KCMF1: variants seen among roughly 807,000 people sequenced by gnomAD.
KCMF1 encodes potassium channel modulatory factor 1.
Under a neutral mutation model 41.1 loss-of-function variants are expected in KCMF1, and 3 were observed. The observed-to-expected ratio is 0.07, with a 90% CI of 0.03 to 0.19. The LOEUF (loss-of-function observed/expected upper bound fraction) is 0.19, where lower values mean the gene tolerates loss of function less well. KCMF1 is among the 10% of genes least tolerant of loss of function. The pLI is 1.00. For missense variants in KCMF1, 286 were observed against 488.9 expected (o/e 0.58, Z 3.91); for synonymous variants, 142 against 164.5 (o/e 0.86, Z 1.04).
chr2:84,985,173 A>G (rs77478806), intron 1 of KCMF1, among the ~76,000 whole-genome samples: 5,004 of 152,238 alleles, frequency 0.033, 108 homozygotes, highest in African/African-American at 0.064. Context: ...CTGGAGGGCA[A>G]TGATTGGGGT....
intron 1 of KCMF1, among the ~76,000 whole-genome samples, chr2:85,012,463 T>G (rs1333118153): frequency 6.6e-6 from 1 of 152,240 alleles, no homozygotes; most frequent in African/African-American, 2.4e-5. Context: ...GCACTATCCA[T>G]TTTCCTCATT....
In KCMF1 at chr2:85,053,480, G is replaced by T. The variant is rs889979926; in HGVS notation, c.*71G>T. On this transcript the variant is annotated 3_prime_UTR_variant, in exon 7 of 7. Transcript: ENST00000409785. ...ATGAAAGTGGACAACAACTATCTTG[G>T]GTTTGTTTGGTGATTGTAATTTCAG... 2.3e-5 allele frequency: 33 copies of T among 1,448,228 alleles called. No homozygotes were observed. The highest frequency in any genetic ancestry group is 7.1e-5 in the South Asian group (5 of 70,920). The allele number at this position is 1,448,228 out of a possible 1,614,324, so 89.7% of individuals were successfully genotyped here.
intron 1 of KCMF1, among the ~76,000 whole-genome samples, chr2:84,990,254 G>A (rs1410886326): frequency 6.6e-6 from 1 of 152,180 alleles, no homozygotes; most frequent in Non-Finnish European, 1.5e-5. Flanking sequence ...TGGCTGTGAA[G>A]GGAAGGAGAG....
intron 5 of KCMF1, among the ~76,000 whole-genome samples, chr2:85,048,699 A>C (rs1675729697): frequency 6.6e-6 from 1 of 152,260 alleles, no homozygotes; most frequent in African/African-American, 2.4e-5. Flanking sequence ...AGTCTGGATC[A>C]TAACAGGCCA....
chr2:85,010,670 C>A (rs1171785668), intron 1 of KCMF1, among the ~76,000 whole-genome samples: 1 of 151,996 alleles, frequency 6.6e-6, no homozygotes, highest in East Asian at 1.9e-4. Flanking sequence ...CTAGTGGCTA[C>A]CATATTGGAC....
At chr2:84,982,058 C>T (rs1673771405) in intron 1 of KCMF1, among the ~76,000 whole-genome samples, 1 of 152,200 alleles carries the variant, frequency 6.6e-6, no homozygotes, top group Non-Finnish European at 1.5e-5. Flanking sequence ...GCTGGGATTA[C>T]AGGCGTGAGC....
chr2:84,974,661 A>T (rs1238243017), intron 1 of KCMF1, among the ~76,000 whole-genome samples: 1 of 23,214 alleles, frequency 4.3e-5, no homozygotes, highest in African/African-American at 2.0e-4. Context: ...TTAATTTCAT[A>T]TATATATATA....
At chr2:85,041,436 A>G (rs943552759) in intron 3 of KCMF1, among the ~76,000 whole-genome samples, 3 of 152,160 alleles carry the variant, frequency 2.0e-5, no homozygotes, top group Non-Finnish European at 2.9e-5. Context: ...CTAGGAATCT[A>G]TATCCTTGTG....
chr2:84,979,455 C>T (rs903688177), intron 1 of KCMF1, among the ~76,000 whole-genome samples: 16 of 149,500 alleles, frequency 1.1e-4, no homozygotes, highest in Admixed American at 6.1e-4. Flanking sequence ...ACCCAGGAGG[C>T]GGAGGTTGCA....
chr2:85,009,129 T>C (rs1463826846), intron 1 of KCMF1, among the ~76,000 whole-genome samples: 2 of 152,146 alleles, frequency 1.3e-5, no homozygotes, highest in African/African-American at 2.4e-5. Context: ...GGGAGGTGAT[T>C]GAATCATGGG....
intron 1 of KCMF1, among the ~76,000 whole-genome samples, chr2:85,017,115 C>T (rs137988243): frequency 0.067 from 9,944 of 149,078 alleles, 563 homozygotes; most frequent in East Asian, 0.34. Context: ...AGCTCCGCTT[C>T]CCGGGTTCAC....
intron 1 of KCMF1, among the ~76,000 whole-genome samples, chr2:85,020,598 G>A (rs994126253): frequency 6.6e-6 from 1 of 151,952 alleles, no homozygotes; most frequent in African/African-American, 2.4e-5. Flanking sequence ...GCTAATTTTT[G>A]TATGTTTTTT....
chr2:85,014,042 T>G (rs545455288), intron 1 of KCMF1: 27 of 152,314 alleles, frequency 1.8e-4, no homozygotes, highest in African/African-American at 6.5e-4. Flanking sequence ...GTACACAGTC[T>G]TTGCATTGCC....
At chr2:84,983,595 C>T (rs1673821669) in intron 1 of KCMF1, among the ~76,000 whole-genome samples, 1 of 152,180 alleles carries the variant, frequency 6.6e-6, no homozygotes, top group African/African-American at 2.4e-5. Context: ...GCAACCTCCA[C>T]CTCCTGGGTT....
chr2:85,041,428 A>G (rs1349556085), intron 3 of KCMF1, among the ~76,000 whole-genome samples: 1 of 152,120 alleles, frequency 6.6e-6, no homozygotes, highest in African/African-American at 2.4e-5. Flanking sequence ...TTTTCCTTCT[A>G]GGAATCTATA....
chr2:85,041,763 T>A (rs1020711242), intron 3 of KCMF1, among the ~76,000 whole-genome samples: 59 of 139,436 alleles, frequency 4.2e-4, no homozygotes, highest in East Asian at 4.2e-3. Flanking sequence ...TTGCTGGTCT[T>A]TTTTTTTTTT....
At chr2:85,050,963 A>G (rs914923239) in intron 6 of KCMF1, among the ~76,000 whole-genome samples, 34 of 152,196 alleles carry the variant, frequency 2.2e-4, no homozygotes, top group African/African-American at 7.7e-4. Flanking sequence ...CCAAACCTCA[A>G]TTTTATCATC....
chr2:85,040,513 T>C (rs769718191), intron 3 of KCMF1, among the ~76,000 whole-genome samples: 8 of 152,208 alleles, frequency 5.3e-5, no homozygotes, highest in African/African-American at 9.7e-5. Flanking sequence ...TCCTTTTTCT[T>C]TCTTCGTCTT....
intron 1 of KCMF1, among the ~76,000 whole-genome samples, chr2:85,012,127 T>C (rs76616483): frequency 0.015 from 2,325 of 152,314 alleles, 60 homozygotes; most frequent in African/African-American, 0.052. Flanking sequence ...GGTCCTGTAA[T>C]GTAGAGAGAT....
Sources: gnomAD v4.1 joint callset for allele counts (sites outside exome capture counted in the v4.1 genomes callset) on GRCh38, gnomAD v4.1.1 for gene constraint, MANE v1.5 for transcripts, NCBI Gene and HGNC (gene_info 2026-07-23, HGNC 2026-07-21) for gene names.